Variants in PREX2 observed in about 807,000 individuals in gnomAD.
The protein encoded by PREX2 is phosphatidylinositol 3,4,5-trisphosphate-dependent Rac exchanger 2 protein.
A neutral mutation model predicts 203.2 loss-of-function variants in PREX2; 107 were observed. That is an observed-to-expected ratio of 0.53 (90% CI 0.45 to 0.62). The LOEUF (loss-of-function observed/expected upper bound fraction) is 0.62. Ranked by LOEUF, PREX2 falls within the 20% of genes least tolerant of loss-of-function variation. The pLI is 0.00. For missense variants in PREX2, 1,777 were observed against 1,955.9 expected, an observed-to-expected ratio of 0.91 and a Z score of 1.72; for synonymous variants, 672 against 663.6, an observed-to-expected ratio of 1.01 and a Z score of -0.19.
At chr8:67,983,733 A>G (rs1188806406) in intron 1 of PREX2, among the ~76,000 whole-genome samples, 1 of 152,158 alleles carries the variant, frequency 6.6e-6, no homozygotes, top group Non-Finnish European at 1.5e-5. Flanking sequence ...TCCATTAGCT[A>G]TTGTTATTAT....
At chr8:67,987,310 G>A (rs369680765) in intron 1 of PREX2, among the ~76,000 whole-genome samples, 2 of 151,912 alleles carry the variant, frequency 1.3e-5, no homozygotes, top group East Asian at 3.9e-4. Flanking sequence ...GGCTATCAAC[G>A]CTAAATAAAT....
intron 11 of PREX2, among the ~76,000 whole-genome samples, chr8:68,061,226 A>G (rs552566044): frequency 9.8e-5 from 15 of 152,300 alleles, no homozygotes; most frequent in African/African-American, 3.4e-4. Flanking sequence ...TTCTTTGGGC[A>G]CCGGCACAGA....
chr8:68,131,210 G>A (rs1034565861), intron 31 of PREX2, among the ~76,000 whole-genome samples: 1 of 152,202 alleles, frequency 6.6e-6, no homozygotes, highest in Non-Finnish European at 1.5e-5. Context: ...TTGAGAAGCT[G>A]TAAATATAAA....
At position 67,976,421 on chromosome 8, in the gene PREX2, GAGAC is replaced by G. The variant is rs1258800989; in HGVS notation, c.141+23890_141+23893del. Among the ~76,000 whole-genome samples the G allele has an allele frequency of 1.3e-5, 2 of 149,900 alleles. 1 individual carries two copies. The highest frequency in any genetic ancestry group is 3.0e-5 in the Non-Finnish European group (2 of 67,458). On this transcript the variant is annotated intron_variant, in intron 1 of 39. Transcript: ENST00000288368. Reference sequence around the variant, plus strand: ...GAGAGAGAGAGAGAGAGACAGGAGAGAGACAGAGAGAGAGATGGGAGAGAGACAG... The same window carrying G: ...GAGAGAGAGAGAGAGAGACAGGAGAGAGAGAGAGAGATGGGAGAGAGACAG...
At chr8:68,072,876 TTA>T (rs1264985669) in intron 14 of PREX2, among the ~76,000 whole-genome samples, 11 of 152,182 alleles carry the variant, frequency 7.2e-5, no homozygotes, top group African/African-American at 2.7e-4. Context: ...TAAAATATTT[TTA>T]TGTTTTTTAC....
chr8:68,025,067 T>G (rs12114444), intron 4 of PREX2, among the ~76,000 whole-genome samples: 42,753 of 151,892 alleles, frequency 0.28, 7,659 homozygotes, highest in African/African-American at 0.51. Context: ...TTTATAGTTA[T>G]GTACACATTT....
chr8:68,045,328 G>A (rs1187731293), intron 8 of PREX2, among the ~76,000 whole-genome samples: 2 of 151,992 alleles, frequency 1.3e-5, no homozygotes, highest in Non-Finnish European at 2.9e-5. Context: ...TACGAGAAAA[G>A]ACAAGATGAA....
At chr8:68,069,794 G>T (rs1563528540) in intron 12 of PREX2, 41 bp from the exon 13 acceptor site, 6 of 975,720 alleles carry the variant, frequency 6.1e-6, no homozygotes, top group South Asian at 1.7e-5. Context: ...ATGTCCCTTG[G>T]GTAATCTCAC....
rs535568283 is a variant in PREX2, at chr8:68,207,651, A to G, written c.4605-9965A>G. On this transcript the variant is annotated intron_variant, in intron 37 of 39. Transcript: ENST00000288368. ...CTATACTTCATACTAAGTATTAGGC[A>G]TGAATTATTTCATACAATCCTGAAA... 2.0e-5 allele frequency among the ~76,000 whole-genome samples: 3 copies of G among 152,266 alleles called. No individual in the cohort carries two copies. In the East Asian group the frequency reaches 5.8e-4, roughly 29 times the overall value.
At chr8:68,117,851 T>C (rs942278094) in intron 26 of PREX2, among the ~76,000 whole-genome samples, 1 of 152,204 alleles carries the variant, frequency 6.6e-6, no homozygotes, top group East Asian at 1.9e-4. Flanking sequence ...CAATAAGTTA[T>C]GATTTAAGCC....
intron 37 of PREX2, among the ~76,000 whole-genome samples, chr8:68,203,846 G>A (rs2129614946): frequency 6.6e-6 from 1 of 152,210 alleles, no homozygotes; most frequent in East Asian, 1.9e-4. Flanking sequence ...AACAATGATG[G>A]TCCAGTGTCA....
intron 37 of PREX2, among the ~76,000 whole-genome samples, chr8:68,195,644 T>C (rs1812379540): frequency 6.6e-6 from 1 of 152,152 alleles, no homozygotes; most frequent in Non-Finnish European, 1.5e-5. Context: ...GATCCACACC[T>C]GCAAGCAACA....
chr8:68,200,479 A>G (rs35847253), intron 37 of PREX2, among the ~76,000 whole-genome samples: 2,881 of 152,216 alleles, frequency 0.019, 43 homozygotes, highest in Middle Eastern at 0.041. Context: ...GTAAATTGTT[A>G]AAATTATAGG....
rs1809519532 is a variant in PREX2, at chr8:68,081,409, CT to C, written c.1878+572del. ...GTCCGCAGCCTGGGATTGGGGACCC[CT>C]GTCCTAGAGTCCTTCAACTGTGAAC... On this transcript the variant is annotated intron_variant, in intron 17 of 39. Transcript: ENST00000288368. 2.0e-5 allele frequency among the ~76,000 whole-genome samples: 3 copies of C among 152,188 alleles called. No individual in the cohort carries two copies. In the South Asian group the frequency reaches 6.2e-4, roughly 32 times the overall value.
At chr8:68,053,499 A>T (rs1808586013) in intron 9 of PREX2, among the ~76,000 whole-genome samples, 1 of 152,218 alleles carries the variant, frequency 6.6e-6, no homozygotes, top group Admixed American at 6.5e-5. Flanking sequence ...TTATATAGTT[A>T]GCAAAATAAT....
At chr8:68,050,557 G>T (rs1808498746) in intron 8 of PREX2, among the ~76,000 whole-genome samples, 1 of 152,172 alleles carries the variant, frequency 6.6e-6, no homozygotes, top group African/African-American at 2.4e-5. Flanking sequence ...CAACTTTGGG[G>T]ATTACAATTT....
intron 20 of PREX2, among the ~76,000 whole-genome samples, chr8:68,091,937 C>T (rs1255121126): frequency 2.6e-5 from 4 of 152,180 alleles, no homozygotes; most frequent in African/African-American, 9.7e-5. Context: ...CACTGCAAAA[C>T]TTAGTGGCTT....
At chr8:67,976,050 ATAGATTC>A (rs1009325873) in intron 1 of PREX2, among the ~76,000 whole-genome samples, 2 of 152,040 alleles carry the variant, frequency 1.3e-5, no homozygotes, top group Non-Finnish European at 2.9e-5. Flanking sequence ...AAAAAAATGC[ATAGATTC>A]TTCTATACTT....
chr8:68,115,672 C>A, intron 25 of PREX2, 81 bp from the exon 26 acceptor site: 2 of 871,872 alleles, frequency 2.3e-6, no homozygotes, highest in Non-Finnish European at 3.4e-6. Context: ...TATTTGTAAG[C>A]CTATTGTATT....
Sources: gnomAD v4.1 joint callset for allele counts (sites outside exome capture counted in the v4.1 genomes callset) on GRCh38, gnomAD v4.1.1 for gene constraint, MANE v1.5 for transcripts, NCBI Gene and HGNC (gene_info 2026-07-23, HGNC 2026-07-21) for gene names.